The following TAF6 variants were observed in gnomAD, a reference collection of about 807,000 sequenced individuals.
The protein encoded by TAF6 is transcription initiation factor TFIID subunit 6.
A neutral mutation model predicts 73.5 loss-of-function variants in TAF6; 50 were observed. The observed-to-expected ratio is 0.68, with a 90% confidence interval of 0.54 to 0.86. The LOEUF is 0.86. TAF6 is among the 40% of genes least tolerant of loss of function. The pLI, the probability that TAF6 is intolerant of heterozygous loss-of-function variation, is 0.00. For synonymous variants in TAF6, 424 were observed against 376.7 expected (o/e 1.13, Z -1.45); for missense variants, 768 against 899.5 (o/e 0.85, Z 1.87).
chr7:100,107,086 A>C lies in TAF6; in HGVS notation c.*160T>G. The stretch of plus-strand genomic sequence containing the variant: ...TGCAGTGGATCAGAACTTACAAACC[A>C]AACTTTTATTCTGAGAAACTGGCTG... On this transcript the variant is annotated 3_prime_UTR_variant, in exon 15 of 15. Coordinates refer to ENST00000453269, the MANE Select transcript of TAF6 (RefSeq NM_139315.3). 6 of 1,301,698 alleles carry C rather than the reference A, an allele frequency of 4.6e-6. No homozygotes were observed. Among genetic ancestry groups the C allele is most frequent in the Non-Finnish European group, 4.2e-6 (4 of 960,104 alleles). The allele number at this position is 1,301,698 out of a possible 1,614,324, so 80.6% of individuals were successfully genotyped here. A position where few individuals can be genotyped will look rare whatever the true frequency, so the allele number is the denominator to read the frequency against.
In TAF6 at chr7:100,109,995, T is replaced by C. The variant is rs995033967; in HGVS notation, c.1237A>G (p.Ser413Gly). 1 of 1,614,000 alleles carries C rather than the reference T, an allele frequency of 6.2e-7. No individual in the cohort carries two copies. The highest frequency in any genetic ancestry group is 8.5e-7 in the Non-Finnish European group (1 of 1,180,032). The change falls in exon 12 of 15, where the codon AGC (serine) becomes GGC (glycine). Residue 413 changes from serine (S) to glycine (G), a missense_variant. By Grantham distance (56) the Ser-to-Gly change is moderately conservative. Coordinates refer to ENST00000453269, the MANE Select transcript of TAF6 (RefSeq NM_139315.3). ...TCTGCTCCAATCCGGTCAATGTTGC[T>C]CAGCACAGGGCCGTCCAGCACACTG... is the stretch of plus-strand genomic sequence containing the variant. ...IRSVLDGPVL[S>G]NIDRIGADHV...
chr7:100,126,684 C>G, the TAF6 span: 3 of 152,344 alleles, frequency 2.0e-5, no homozygotes, highest in African/African-American at 4.8e-5. Flanking sequence ...TGGTGCGCAT[C>G]TGTGGTCCCA....
chr7:100,109,149 C>A (rs1306824361), intron 12 of TAF6: 2 of 151,390 alleles, frequency 1.3e-5, no homozygotes, highest in African/African-American at 4.9e-5. Flanking sequence ...ATGGTGAAAC[C>A]CCGTCTCTAC....
chr7:100,113,464 C>T, intron 4 of TAF6, 59 bp from the exon 5 acceptor site: 1 of 1,531,778 alleles, frequency 6.5e-7, no homozygotes, highest in South Asian at 1.2e-5. Context: ...GGAGTTGCCC[C>T]ATGCTATGGA....
intron 6 of TAF6, 91 bp from the exon 7 acceptor site, chr7:100,112,344 C>T (rs1797260799): frequency 1.3e-6 from 2 of 1,501,726 alleles, no homozygotes; most frequent in Admixed American, 2.3e-5. Flanking sequence ...CCCCTGAGAC[C>T]CAGGAGACCT....
intron 1 of TAF6, among the ~76,000 whole-genome samples, chr7:100,115,816 C>CA (rs1562932483): frequency 6.6e-6 from 1 of 151,832 alleles, no homozygotes; most frequent in Non-Finnish European, 1.5e-5. Flanking sequence ...ACTAAAAATA[C>CA]AAAAACTAGC....
In TAF6 at chr7:100,108,404, G is replaced by A. The variant is rs1796793713; in HGVS notation, c.1421C>T (p.Ala474Val). 6.2e-7 allele frequency: 1 copy of A among 1,612,736 alleles called. No homozygotes were observed. Among genetic ancestry groups the A allele is most frequent in the African/African-American group, 1.3e-5 (1 of 75,032 alleles). Reference sequence around the variant, plus strand: ...CAGAGTGGTCCTGTTGACCTGCTGAGCCTGCAGAGCAGCCTGGGCCCGAGC... The same window carrying A: ...CAGAGTGGTCCTGTTGACCTGCTGAACCTGCAGAGCAGCCTGGGCCCGAGC... ...VKARAQAALQ[A>V]QQVNRTTLTI... Residue 474 changes from alanine (A) to valine (V), a missense_variant, in exon 13 of 15, where the codon GCT becomes GTT. Coordinates refer to ENST00000453269, the MANE Select transcript of TAF6 (RefSeq NM_139315.3).
rs1797935366 is a variant in TAF6, at chr7:100,119,251, G to A, written c.-107C>T. On this transcript the variant is annotated 5_prime_UTR_variant, in exon 1 of 15. Coordinates refer to ENST00000453269, the MANE Select transcript of TAF6 (RefSeq NM_139315.3). ...AGGGACCTTCAAAGGGTCTCCTCCG[G>A]GGTACCACTCAGACCCGCCCCCGCC... 9.9e-7 allele frequency: 1 copy of A among 1,011,382 alleles called. No individual in the cohort carries two copies. The highest frequency in any genetic ancestry group is 3.6e-5 in the South Asian group (1 of 27,688). 62.7% of individuals were successfully genotyped at this position (1,011,382 alleles called of 1,614,324 possible).
intron 1 of TAF6, 92 bp downstream of exon 1, chr7:100,119,112 A>AGGAG: frequency 2.0e-6 from 2 of 986,362 alleles, no homozygotes; most frequent in South Asian, 9.2e-5. Flanking sequence ...GCAGCGCGAA[A>AGGAG]GGAGGTTCAG....
chr7:100,112,555 A>G (rs1797286295), intron 6 of TAF6, among the ~76,000 whole-genome samples: 1 of 152,096 alleles, frequency 6.6e-6, no homozygotes, highest in African/African-American at 2.4e-5. Flanking sequence ...TACTAAAAAA[A>G]ATTACAAAAA....
chr7:100,111,614 C>T (rs369346174), intron 9 of TAF6, 114 bp downstream of exon 9: 104 of 1,124,368 alleles, frequency 9.2e-5, no homozygotes, highest in East Asian at 4.5e-4. Flanking sequence ...CCTCCCACTT[C>T]GGCCTCCCAA....
intron 1 of TAF6, 99 bp downstream of exon 1, chr7:100,119,105 G>A: frequency 7.1e-6 from 7 of 986,426 alleles, no homozygotes; most frequent in Non-Finnish European, 8.4e-6. Flanking sequence ...TCCCCGGGCA[G>A]CGCGAAAGGA....
chr7:100,126,984 A>C, the TAF6 span: 1 of 168,120 alleles, frequency 5.9e-6, no homozygotes, highest in Non-Finnish European at 1.3e-5. Flanking sequence ...GGTACACGGG[A>C]ACCGCAGAGG....
upstream of TAF6, chr7:100,122,315 CG>C: frequency 6.2e-7 from 1 of 1,613,938 alleles, no homozygotes; most frequent in Non-Finnish European, 8.5e-7. Flanking sequence ...CGGTCGATCT[CG>C]AGAGGTGCTG....
chr7:100,114,293 A>T, intron 1 of TAF6, 25 bp from the exon 2 acceptor site: 1 of 1,606,520 alleles, frequency 6.2e-7, no homozygotes, highest in Non-Finnish European at 8.5e-7. Context: ...GGGCAGGCAG[A>T]AGAAAAAGAA....
intron 12 of TAF6, 128 bp from the exon 13 acceptor site, chr7:100,108,668 G>C: frequency 9.1e-6 from 10 of 1,097,510 alleles, no homozygotes; most frequent in Non-Finnish European, 1.2e-5. Flanking sequence ...TATCATCTCA[G>C]TGCCCCTGTT....
At chr7:100,121,591 C>T (rs967494574), upstream of TAF6, among the ~76,000 whole-genome samples, 6 of 151,776 alleles carry the variant, frequency 4.0e-5, no homozygotes, top group East Asian at 3.9e-4. Flanking sequence ...ATTACAGGTG[C>T]GCACCACCAC....
Position 100,107,585 on chromosome 7 carries a change from G to A in TAF6, c.1695C>T (p.Ser565=). The change falls in exon 15 of 15, where the codon TCC becomes TCT. Residue 565 remains serine, a synonymous_variant. Coordinates refer to ENST00000453269, the MANE Select transcript of TAF6 (RefSeq NM_139315.3). ...SLSTSAPGSG[S]TTTSPVTTTV... is the part of the protein sequence containing the mutation. ...TGGTGGTGACGGGCGAAGTGGTGGT[G>A]GAACCTGAGCCGGGGGCCGAGGTGC... 6.2e-7 allele frequency: 1 copy of A among 1,613,768 alleles called. No homozygotes were observed.
At chr7:100,117,963 G>A (rs1365125021) in intron 1 of TAF6, among the ~76,000 whole-genome samples, 1 of 151,486 alleles carries the variant, frequency 6.6e-6, no homozygotes, top group Non-Finnish European at 1.5e-5. Flanking sequence ...GGAGAATGGC[G>A]TGAGCCCGGG....
Sources: allele counts gnomAD v4.1 joint callset (sites outside exome capture counted in the v4.1 genomes callset), GRCh38; gene constraint gnomAD v4.1.1; transcripts MANE v1.5; gene names NCBI Gene and HGNC (gene_info 2026-07-23, HGNC 2026-07-21).